The following ACYP2 variants were observed in gnomAD, a reference collection of about 807,000 sequenced individuals.
ACYP2 encodes acylphosphatase-2.
Under a neutral mutation model 11.2 loss-of-function variants are expected in ACYP2, and 12 were observed. The observed-to-expected ratio is 1.08, with a 90% CI of 0.69 to 1.74. The LOEUF (loss-of-function observed/expected upper bound fraction) is 1.74, where lower values mean the gene tolerates loss of function less well. Among genes scored for constraint, ACYP2 ranks in the 40% most tolerant of loss-of-function variants. The pLI is 0.00. For synonymous variants in ACYP2, 43 were observed against 32.2 expected, an observed-to-expected ratio of 1.33 and a Z score of -1.13; for missense variants, 134 against 101.9, an observed-to-expected ratio of 1.31 and a Z score of -1.35.
chr2:54,248,447 T>C (rs77157354), intron 6 of ACYP2, among the ~76,000 whole-genome samples: 1 of 152,222 alleles, frequency 6.6e-6, no homozygotes, highest in East Asian at 1.9e-4. Flanking sequence ...TATAATACCA[T>C]GCCCTAGGGA....
At chr2:54,051,451 G>A in intron 3 of ACYP2, 1 of 693,202 alleles carries the variant, frequency 1.4e-6, no homozygotes, top group South Asian at 1.6e-5. Context: ...TCCTAAACGG[G>A]TGACAAAAAA....
chr2:54,081,685 C>A (rs902727590), intron 4 of ACYP2, among the ~76,000 whole-genome samples: 1 of 152,210 alleles, frequency 6.6e-6, no homozygotes, highest in East Asian at 1.9e-4. Context: ...ACTCTACATA[C>A]CTGATGAGAG....
intron 6 of ACYP2, among the ~76,000 whole-genome samples, chr2:54,173,980 T>C (rs1683330643): frequency 6.6e-6 from 1 of 152,216 alleles, no homozygotes; most frequent in South Asian, 2.1e-4. Context: ...CCTCCAGCTT[T>C]GTTCTTTTGG....
chr2:54,285,633 T>A (rs1423902145), intron 6 of ACYP2, among the ~76,000 whole-genome samples: 2 of 152,208 alleles, frequency 1.3e-5, no homozygotes, highest in African/African-American at 2.4e-5. Flanking sequence ...ATACATGTGT[T>A]TTTACTGGGC....
chr2:54,021,691 T>C (rs1027911100), intron 2 of ACYP2, among the ~76,000 whole-genome samples: 1 of 152,230 alleles, frequency 6.6e-6, no homozygotes, highest in Non-Finnish European at 1.5e-5. Context: ...CTGCTTTCTT[T>C]TAAAATTGAT....
At chr2:54,069,230 C>T (rs1676893706) in intron 4 of ACYP2, among the ~76,000 whole-genome samples, 1 of 152,112 alleles carries the variant, frequency 6.6e-6, no homozygotes, top group Non-Finnish European at 1.5e-5. Context: ...AGCACCCAGC[C>T]AGGAAGGAGG....
intron 2 of ACYP2, among the ~76,000 whole-genome samples, chr2:54,007,092 T>C (rs1183393790): frequency 7.6e-6 from 1 of 131,502 alleles, no homozygotes; most frequent in East Asian, 2.3e-4. Flanking sequence ...TGAGCTGAGA[T>C]TGTACCACTG....
chr2:54,214,868 C>G (rs1685493927), intron 6 of ACYP2, among the ~76,000 whole-genome samples: 1 of 152,122 alleles, frequency 6.6e-6, no homozygotes. Flanking sequence ...AATATTGATT[C>G]TTCCTATCTG....
intron 6 of ACYP2, among the ~76,000 whole-genome samples, chr2:54,291,814 A>G (rs1689319215): frequency 6.6e-6 from 1 of 152,144 alleles, no homozygotes; most frequent in Non-Finnish European, 1.5e-5. Flanking sequence ...TTCCCCTAAT[A>G]GGCCTATCAG....
intron 6 of ACYP2, among the ~76,000 whole-genome samples, chr2:54,159,374 T>G (rs1020463408): frequency 2.8e-5 from 4 of 140,868 alleles, no homozygotes; most frequent in African/African-American, 1.1e-4. Flanking sequence ...TTAGGATGCT[T>G]TTTTTTTTTT....
At chr2:54,029,264 C>T (rs371480714) in intron 2 of ACYP2, among the ~76,000 whole-genome samples, 72 of 152,224 alleles carry the variant, frequency 4.7e-4, no homozygotes, top group African/African-American at 1.3e-3. Context: ...AAAACTACAG[C>T]GGTGGAGTAC....
chr2:54,162,232 G>C (rs1426958174), intron 6 of ACYP2, among the ~76,000 whole-genome samples: 1 of 152,156 alleles, frequency 6.6e-6, no homozygotes, highest in Non-Finnish European at 1.5e-5. Flanking sequence ...CTCCCTTTAT[G>C]AATAATGCCA....
chr2:53,997,060 C>G (rs1672607817), intron 2 of ACYP2, among the ~76,000 whole-genome samples: 1 of 152,158 alleles, frequency 6.6e-6, no homozygotes, highest in Non-Finnish European at 1.5e-5. Context: ...GGAACCTATT[C>G]ACTATCTCCC....
chr2:54,040,482 C>T (rs1254960105), intron 2 of ACYP2, among the ~76,000 whole-genome samples: 2 of 151,652 alleles, frequency 1.3e-5, no homozygotes, highest in Non-Finnish European at 2.9e-5. Context: ...GAGGAGATTG[C>T]CAAATGAGTC....
chr2:54,271,645 A>G (rs1033344639), intron 6 of ACYP2, among the ~76,000 whole-genome samples: 1 of 152,008 alleles, frequency 6.6e-6, no homozygotes, highest in Admixed American at 6.5e-5. Context: ...TGATAACCCC[A>G]GTCCTTCTGC....
At chr2:53,996,153 A>G (rs1438775406) in intron 2 of ACYP2, among the ~76,000 whole-genome samples, 2 of 152,112 alleles carry the variant, frequency 1.3e-5, no homozygotes, top group Non-Finnish European at 2.9e-5. Flanking sequence ...AAAAAAAAAA[A>G]GACTCACAAT....
intron 4 of ACYP2, among the ~76,000 whole-genome samples, chr2:54,095,926 T>TC (rs555375721): frequency 0.8 from 59 of 74 alleles, 23 homozygotes; most frequent in South Asian, 1. Context: ...GGCCCCCACC[T>TC]CCTCCCGGAT....
intron 6 of ACYP2, among the ~76,000 whole-genome samples, chr2:54,266,581 T>A (rs1688029817): frequency 7.3e-6 from 1 of 137,518 alleles, no homozygotes; most frequent in East Asian, 2.1e-4. Context: ...GATATAGATA[T>A]CTATCTATCT....
chr2:54,223,727 G>A (rs1685892007), intron 6 of ACYP2, among the ~76,000 whole-genome samples: 1 of 152,048 alleles, frequency 6.6e-6, no homozygotes, highest in Non-Finnish European at 1.5e-5. Context: ...AAGAACTTTA[G>A]TTCTCACTCA....
Sources: allele counts gnomAD v4.1 joint callset (sites outside exome capture counted in the v4.1 genomes callset), GRCh38; gene constraint gnomAD v4.1.1; transcripts MANE v1.5; gene names NCBI Gene and HGNC (gene_info 2026-07-23, HGNC 2026-07-21).